RIC8B: variants seen among roughly 807,000 people sequenced by gnomAD.
RIC8B encodes chaperone Ric-8B.
RIC8B carries 16 observed loss-of-function variants against 57.5 expected under a neutral mutation model. The ratio of observed to expected loss-of-function variants is 0.28; its 90% CI spans 0.19 to 0.42. The LOEUF is 0.42. Among genes scored for constraint, RIC8B ranks in the 10% least tolerant of loss-of-function variants. RIC8B has a pLI of 1.00. For missense variants in RIC8B, 481 were observed against 677.0 expected, an observed-to-expected ratio of 0.71 and a Z score of 3.21; for synonymous variants, 216 against 250.8, an observed-to-expected ratio of 0.86 and a Z score of 1.31.
chr12:106,779,343 T>A (rs2043642938), intron 1 of RIC8B, among the ~76,000 whole-genome samples: 1 of 152,046 alleles, frequency 6.6e-6, no homozygotes, highest in Admixed American at 6.6e-5. Context: ...GCGATTCTCC[T>A]GCCTCAGCTT....
chr12:106,788,760 G>A (rs1008576845), intron 2 of RIC8B, among the ~76,000 whole-genome samples: 8 of 152,216 alleles, frequency 5.3e-5, no homozygotes, highest in Admixed American at 3.9e-4. Context: ...CACTGGGCCC[G>A]GCCCATTAAA....
At chr12:106,791,374 T>C (rs1325132333) in intron 2 of RIC8B, among the ~76,000 whole-genome samples, 1 of 152,206 alleles carries the variant, frequency 6.6e-6, no homozygotes, top group Non-Finnish European at 1.5e-5. Flanking sequence ...AACGTTACAA[T>C]ATACTGTTAC....
chr12:106,784,037 A>G lies in RIC8B; in HGVS notation c.125A>G (p.Lys42Arg). 6.2e-7 allele frequency: 1 copy of G among 1,613,816 alleles called. No homozygotes were observed. ...AAATTTGAATCAACAGATGAAGATAAAAGAAAGGTAAGCCTTGGTGTTGCT... is the reference window on the plus strand; with the variant it reads ...AAATTTGAATCAACAGATGAAGATAGAAGAAAGGTAAGCCTTGGTGTTGCT... Reference protein sequence around the residue: ...TFKFESTDEDKRKKLCEGIFK... With the variant: ...TFKFESTDEDRRKKLCEGIFK... The change falls in exon 2 of 10, where the codon AAA becomes AGA. Residue 42 changes from lysine (K) to arginine (R), a missense_variant. Lys to Arg is a conservative substitution (Grantham distance 26). Around this residue, in one of 3 missense-constraint regions of RIC8B, gnomAD observed 421 missense variants for 560.9 expected, o/e 0.75. Transcript: ENST00000392837.
intron 8 of RIC8B, chr12:106,868,219 T>C: frequency 2.2e-6 from 1 of 449,668 alleles, no homozygotes; most frequent in Non-Finnish European, 4.5e-6. Flanking sequence ...TGATTTCATT[T>C]TTTTCCCTGA....
intron 6 of RIC8B, among the ~76,000 whole-genome samples, chr12:106,844,237 A>T (rs1298555344): frequency 6.6e-6 from 1 of 152,222 alleles, no homozygotes; most frequent in Admixed American, 6.5e-5. Flanking sequence ...ACAAATTTAA[A>T]ATATAATGGC....
rs1417485587 is a variant in RIC8B, at chr12:106,774,773, G to T, written c.28G>T (p.Val10Phe). The change falls in exon 1 of 10, where the codon GTC becomes TTC. Residue 10 changes from valine to phenylalanine, a missense_variant. By Grantham distance (50) the Val-to-Phe change is conservative (BLOSUM62 -1). Coordinates refer to ENST00000392837, the MANE Select transcript of RIC8B (RefSeq NM_001330145.2). The stretch of plus-strand genomic sequence containing the variant: ...GGATGAGGAGCGCGCCCTCTACATC[G>T]TCCGGGCCGGCGAAGCAGGGGCTAT... Reference protein sequence around the residue: MDEERALYIVRAGEAGAIER... With the variant: MDEERALYIFRAGEAGAIER... 7.1e-6 allele frequency: 11 copies of T among 1,552,446 alleles called. No homozygotes were observed. The East Asian group carries it at 7.3e-5, about 10-fold the overall frequency.
At chr12:106,839,888 T>G (rs2046791204) in intron 4 of RIC8B, among the ~76,000 whole-genome samples, 1 of 151,924 alleles carries the variant, frequency 6.6e-6, no homozygotes, top group Non-Finnish European at 1.5e-5. Flanking sequence ...CATGGTGGCG[T>G]GTGCGTGTGG....
intron 1 of RIC8B, among the ~76,000 whole-genome samples, chr12:106,780,380 A>G (rs974919400): frequency 6.6e-6 from 1 of 152,204 alleles, no homozygotes; most frequent in Non-Finnish European, 1.5e-5. Context: ...TAGTCCTCTT[A>G]GGAGAAGAAA....
At chr12:106,880,035 A>G in intron 9 of RIC8B, 11 of 814,576 alleles carry the variant, frequency 1.4e-5, no homozygotes, top group Non-Finnish European at 1.6e-5. Flanking sequence ...CATGATATAC[A>G]TGTATCTGAC....
At chr12:106,834,483 A>T (rs897583631) in intron 4 of RIC8B, among the ~76,000 whole-genome samples, 1 of 152,218 alleles carries the variant, frequency 6.6e-6, no homozygotes, top group East Asian at 1.9e-4. Context: ...AAGGAAGGAC[A>T]TCACTGCTAC....
rs189792034 is a variant in RIC8B, at chr12:106,860,534, G to C, written c.1451+122G>C. 261 of 811,698 alleles carry C rather than the reference G, an allele frequency of 3.2e-4. 1 individual carries two copies. The East Asian group carries it at 7.5e-3, about 23-fold the overall frequency. 50.3% of individuals were successfully genotyped at this position (811,698 alleles called of 1,614,324 possible). On this transcript the variant is annotated intron_variant, in intron 8 of 9. Coordinates refer to ENST00000392837, the MANE Select transcript of RIC8B (RefSeq NM_001330145.2). ...GGATTTGGAAACTTTCCATTTAATG[G>C]TGTTTTTAGAGGCAGTTTCATAGCT...
rs551105678 is a variant in RIC8B at position 106,824,222 on chromosome 12, A to G, written c.742-1504A>G. On this transcript the variant is annotated intron_variant, in intron 3 of 9. Transcript: ENST00000392837. Reference sequence around the variant, plus strand: ...ATATTGAAAGCATTAAAGCACTTTTATGCATATCATCTTCTTTAATCCTTT... The same window carrying G: ...ATATTGAAAGCATTAAAGCACTTTTGTGCATATCATCTTCTTTAATCCTTT... Among the ~76,000 whole-genome samples the G allele has an allele frequency of 2.0e-5, 3 of 152,286 alleles. No individual in the cohort carries two copies. In the East Asian group the frequency reaches 5.8e-4, roughly 29 times the overall value.
intron 2 of RIC8B, among the ~76,000 whole-genome samples, chr12:106,809,425 A>G (rs2045223292): frequency 6.6e-6 from 1 of 151,606 alleles, no homozygotes; most frequent in Non-Finnish European, 1.5e-5. Flanking sequence ...CAGGAGGCTG[A>G]GACAGGAGAA....
At chr12:106,881,654 C>T (rs183070167) in intron 9 of RIC8B, among the ~76,000 whole-genome samples, 2 of 152,188 alleles carry the variant, frequency 1.3e-5, no homozygotes, top group Admixed American at 1.3e-4. Context: ...GATCTAGATA[C>T]AACAGATTGC....
chr12:106,817,328 G>A (rs1209198675), intron 3 of RIC8B, among the ~76,000 whole-genome samples: 6 of 152,108 alleles, frequency 3.9e-5, no homozygotes, highest in African/African-American at 9.7e-5. Flanking sequence ...GAGAAAGAGC[G>A]CACTGATTGA....
At chr12:106,807,059 C>A (rs1013843778) in intron 2 of RIC8B, among the ~76,000 whole-genome samples, 5 of 152,198 alleles carry the variant, frequency 3.3e-5, no homozygotes, top group Admixed American at 2.6e-4. Context: ...CCCTCTCCCC[C>A]ACAAATAGTA....
At chr12:106,848,761 C>G (rs1282245674) in intron 6 of RIC8B, among the ~76,000 whole-genome samples, 1 of 152,068 alleles carries the variant, frequency 6.6e-6, no homozygotes, top group Non-Finnish European at 1.5e-5. Flanking sequence ...CTTCAAGAGT[C>G]CTGCTTAGGA....
intron 2 of RIC8B, among the ~76,000 whole-genome samples, chr12:106,785,785 G>GTCTC (rs370138594): frequency 0.016 from 1,692 of 104,444 alleles, 52 homozygotes; most frequent in African/African-American, 0.054. Flanking sequence ...TGTATTCTAT[G>GTCTC]TCTCTCTCTC....
chr12:106,860,422 C>A lies in RIC8B; in HGVS notation c.1451+10C>A. The A allele has an allele frequency of 6.5e-7, 1 of 1,527,604 alleles. No individual in the cohort carries two copies. Among genetic ancestry groups the A allele is most frequent in the South Asian group, 1.3e-5 (1 of 78,506 alleles). 94.6% of individuals were successfully genotyped at this position (1,527,604 alleles called of 1,614,324 possible). On this transcript the variant is annotated intron_variant, in intron 8 of 9. Transcript: ENST00000392837. ...AAAATGCAAAACCAAAGTATAGTATCAAATTTCTTTTCACCTAACTATGGC... is the reference window on the plus strand; with the variant it reads ...AAAATGCAAAACCAAAGTATAGTATAAAATTTCTTTTCACCTAACTATGGC...
Sources: gnomAD v4.1 joint callset for allele counts (sites outside exome capture counted in the v4.1 genomes callset) on GRCh38, gnomAD v4.1.1 for gene constraint, gnomAD v4.1.1 regional missense constraint, MANE v1.5 for transcripts, NCBI Gene and HGNC (gene_info 2026-07-23, HGNC 2026-07-21) for gene names.